Variants in SH2D4A observed in about 807,000 individuals in gnomAD.
The protein encoded by SH2D4A is SH2 domain containing 4A, also known as SH2 domain-containing protein 4A.
Under a neutral mutation model 64.7 loss-of-function variants are expected in SH2D4A, and 70 were observed. The ratio of observed to expected loss-of-function variants is 1.08; its 90% CI spans 0.89 to 1.32. The LOEUF (loss-of-function observed/expected upper bound fraction) is 1.32. Among genes scored for constraint, SH2D4A ranks in the 40% most tolerant of loss-of-function variants. The probability of loss-of-function intolerance (pLI) is 0.00; values close to 1 mark genes in which losing one functional copy is unlikely to be tolerated. For synonymous variants in SH2D4A, 268 were observed against 200.7 expected (o/e 1.34, Z -2.83); for missense variants, 706 against 540.1 (o/e 1.31, Z -3.04).
chr8:19,380,368 A>T lies in SH2D4A; in HGVS notation c.1048+6708A>T, dbSNP rs557171738. On this transcript the variant is annotated intron_variant, in intron 8 of 9. Transcript: ENST00000265807. ...TGTCTTTTGATGTATAAAATGCTTT[A>T]ATTTTCATGAAATTCGATTTGCCTC... Among the ~76,000 whole-genome samples the T allele has an allele frequency of 1.1e-3, 165 of 152,086 alleles. 1 individual carries two copies. The highest frequency in any genetic ancestry group is 2.0e-3 in the Non-Finnish European group (135 of 67,980).
intron 7 of SH2D4A, among the ~76,000 whole-genome samples, chr8:19,367,064 T>A (rs991648550): frequency 1.3e-5 from 2 of 152,204 alleles, no homozygotes; most frequent in African/African-American, 4.8e-5. Flanking sequence ...CCAGCAATTT[T>A]TTTTATTGCA....
intron 4 of SH2D4A, among the ~76,000 whole-genome samples, chr8:19,346,309 A>T (rs1412110694): frequency 6.6e-6 from 1 of 152,050 alleles, no homozygotes; most frequent in Non-Finnish European, 1.5e-5. Context: ...AGCCAGCATT[A>T]CTCCCTGGGC....
At chr8:19,394,104 A>G (rs116699567) in intron 9 of SH2D4A, among the ~76,000 whole-genome samples, 2,376 of 152,272 alleles carry the variant, frequency 0.016, 81 homozygotes, top group African/African-American at 0.054. Context: ...GGAGCGCACA[A>G]CTGAGATCCC....
At position 19,316,880 on chromosome 8, in the gene SH2D4A, G is replaced by A. The variant is rs905088558; in HGVS notation, c.-204-2464G>A. Among the ~76,000 whole-genome samples, 11 of 152,328 alleles carry A rather than the reference G, an allele frequency of 7.2e-5. No individual in the cohort carries two copies. In the South Asian group the frequency reaches 1.9e-3, roughly 26 times the overall value. ...CATAGTGATGGGCTGGACTCCAAGG[G>A]TTATTGTGAAGATTAAGTGAGTTAA... On this transcript the variant is annotated intron_variant, in intron 1 of 9. Transcript: ENST00000265807.
At chr8:19,339,522 G>A (rs1260532361) in intron 4 of SH2D4A, among the ~76,000 whole-genome samples, 1 of 120,488 alleles carries the variant, frequency 8.3e-6, no homozygotes, top group Admixed American at 9.0e-5. Flanking sequence ...TTCTTTTTGA[G>A]GCAGGGTCTC....
chr8:19,329,829 C>G (rs2052342783), intron 2 of SH2D4A, among the ~76,000 whole-genome samples: 1 of 152,202 alleles, frequency 6.6e-6, no homozygotes, highest in Non-Finnish European at 1.5e-5. Flanking sequence ...TCCTTGCCTT[C>G]TGCCATGATT....
intron 4 of SH2D4A, among the ~76,000 whole-genome samples, chr8:19,356,002 C>G (rs2052785960): frequency 1.3e-5 from 2 of 152,182 alleles, no homozygotes; most frequent in Admixed American, 1.3e-4. Flanking sequence ...CAGGAGGGCT[C>G]TGCTCCACAC....
At chr8:19,347,700 C>T (rs528229225) in intron 4 of SH2D4A, among the ~76,000 whole-genome samples, 8 of 152,268 alleles carry the variant, frequency 5.3e-5, no homozygotes, top group South Asian at 2.1e-4. Flanking sequence ...CAGAGTGGGC[C>T]ACACTGCAAA....
chr8:19,335,902 CTG>C (rs2052438126), intron 4 of SH2D4A, among the ~76,000 whole-genome samples: 1 of 152,186 alleles, frequency 6.6e-6, no homozygotes, highest in Non-Finnish European at 1.5e-5. Context: ...TTTAATTACA[CTG>C]AGAATTAACA....
chr8:19,322,672 A>C (rs537615456), intron 2 of SH2D4A, among the ~76,000 whole-genome samples: 2 of 140,830 alleles, frequency 1.4e-5, no homozygotes, highest in Non-Finnish European at 3.0e-5. Flanking sequence ...GCTGCAGTGC[A>C]GTGGTGTGAG....
intron 1 of SH2D4A, chr8:19,314,185 G>C (rs1165435273): frequency 7.1e-6 from 6 of 844,626 alleles, no homozygotes; most frequent in Non-Finnish European, 8.8e-6. Flanking sequence ...TCTGGAATCC[G>C]GCAGGGACAC....
At chr8:19,385,260 A>G (rs945009967) in intron 8 of SH2D4A, among the ~76,000 whole-genome samples, 1 of 150,048 alleles carries the variant, frequency 6.7e-6, no homozygotes, top group African/African-American at 2.5e-5. Flanking sequence ...CCCAGGCTAG[A>G]GTGCAGTGAT....
intron 8 of SH2D4A, among the ~76,000 whole-genome samples, chr8:19,389,780 C>T (rs966135523): frequency 2.0e-5 from 3 of 152,156 alleles, no homozygotes; most frequent in Admixed American, 1.3e-4. Context: ...GTGGCACGTG[C>T]TTGCAGTCCC....
chr8:19,328,553 G>C (rs1003175678), intron 2 of SH2D4A, among the ~76,000 whole-genome samples: 5 of 152,042 alleles, frequency 3.3e-5, no homozygotes, highest in Admixed American at 6.6e-5. Flanking sequence ...GGACCTGACT[G>C]CCTCACTCCT....
At chr8:19,390,929 A>C (rs978052023) in intron 8 of SH2D4A, among the ~76,000 whole-genome samples, 2 of 152,326 alleles carry the variant, frequency 1.3e-5, no homozygotes, top group Admixed American at 1.3e-4. Flanking sequence ...AATTTTAGGA[A>C]TCCAGATTCA....
chr8:19,325,421 T>C (rs1046403300), intron 2 of SH2D4A, among the ~76,000 whole-genome samples: 3 of 152,216 alleles, frequency 2.0e-5, no homozygotes, highest in African/African-American at 4.8e-5. Flanking sequence ...GAGTCAGTGG[T>C]AGAGTTAGGA....
chr8:19,350,223 G>T (rs549224612), intron 4 of SH2D4A, among the ~76,000 whole-genome samples: 1 of 152,302 alleles, frequency 6.6e-6, no homozygotes, highest in African/African-American at 2.4e-5. Flanking sequence ...CTCCCTGGAT[G>T]AGAATGTAAG....
intron 7 of SH2D4A, among the ~76,000 whole-genome samples, chr8:19,370,371 T>G (rs2053074695): frequency 6.6e-6 from 1 of 152,106 alleles, no homozygotes; most frequent in African/African-American, 2.4e-5. Context: ...TATTGCAGTC[T>G]TTCTATGTAG....
At chr8:19,325,628 A>G (rs1585146764) in intron 2 of SH2D4A, among the ~76,000 whole-genome samples, 1 of 152,076 alleles carries the variant, frequency 6.6e-6, no homozygotes, top group Non-Finnish European at 1.5e-5. Flanking sequence ...TCTATTTTCT[A>G]GTTCTTCCAT....
Sources: gnomAD v4.1 joint callset for allele counts (sites outside exome capture counted in the v4.1 genomes callset) on GRCh38, gnomAD v4.1.1 for gene constraint, MANE v1.5 for transcripts, NCBI Gene and HGNC (gene_info 2026-07-23, HGNC 2026-07-21) for gene names.